Variants in IDH1 observed in about 807,000 individuals in gnomAD.
The protein encoded by IDH1 is isocitrate dehydrogenase (NADP(+)) 1.
Under a neutral mutation model 46.1 loss-of-function variants are expected in IDH1, and 33 were observed. The ratio of observed to expected loss-of-function variants is 0.72; its 90% CI spans 0.54 to 0.96. The LOEUF (loss-of-function observed/expected upper bound fraction) is 0.96, where lower values mean the gene tolerates loss of function less well. Ranked by LOEUF, IDH1 falls within the 40% of genes least tolerant of loss-of-function variation. IDH1 has a pLI of 0.00. For missense variants in IDH1, 421 were observed against 515.7 expected, an observed-to-expected ratio of 0.82 and a Z score of 1.78; for synonymous variants, 144 against 172.8, an observed-to-expected ratio of 0.83 and a Z score of 1.31.
chr2:208,238,123 C>A (rs1687850257), intron 9 of IDH1, among the ~76,000 whole-genome samples: 1 of 150,884 alleles, frequency 6.6e-6, no homozygotes, highest in Non-Finnish European at 1.5e-5. Flanking sequence ...GCAAGCTCCG[C>A]CTCCCAGGTT....
At chr2:208,246,258 G>C (rs1690029005) in intron 4 of IDH1, among the ~76,000 whole-genome samples, 1 of 152,180 alleles carries the variant, frequency 6.6e-6, no homozygotes, top group Non-Finnish European at 1.5e-5. Context: ...ACATCCATAA[G>C]TCTTTGCTGC....
At chr2:208,245,017 T>C (rs1482960330) in intron 5 of IDH1, among the ~76,000 whole-genome samples, 1 of 152,240 alleles carries the variant, frequency 6.6e-6, no homozygotes, top group East Asian at 1.9e-4. Context: ...ATGTATATAA[T>C]TCATGCACAG....
At position 208,245,546 on chromosome 2, in the gene IDH1, CTTTTTTTTT is replaced by C. The variant is rs34363027; in HGVS notation, c.415-131_415-123del. ...ACAAATAGGGCAGTATGTCAAACTT[CTTTTTTTTT>C]TTTTTTTTTTAGGAGATGGGGATGA... On this transcript the variant is annotated intron_variant, in intron 4 of 9. Transcript: ENST00000345146. The C allele has an allele frequency of 8.1e-3, 2,722 of 337,368 alleles. 66 individuals carry two copies. Among genetic ancestry groups the C allele is most frequent in the African/African-American group, 0.06 (2,469 of 41,206 alleles). 20.9% of individuals were successfully genotyped at this position (337,368 alleles called of 1,614,324 possible).
intron 9 of IDH1, 128 bp downstream of exon 9, chr2:208,238,943 A>C: frequency 1.2e-6 from 1 of 858,124 alleles, no homozygotes; most frequent in South Asian, 1.4e-5. Context: ...GACAATTTAC[A>C]GATATCTGCT....
Position 208,237,058 on chromosome 2 carries a change from CT to C in IDH1, c.*20del. ...ACCTAGTTACCAAAAGACAATTATC[CT>C]TCTTAGCTCAGGTATGAACTTAAAG... is the stretch of plus-strand genomic sequence containing the variant. On this transcript the variant is annotated 3_prime_UTR_variant, in exon 10 of 10. Transcript: ENST00000345146. The C allele has an allele frequency of 7.3e-7, 1 of 1,376,848 alleles. No homozygotes were observed. The allele number at this position is 1,376,848 out of a possible 1,614,324, so 85.3% of individuals were successfully genotyped here. A position where few individuals can be genotyped will look rare whatever the true frequency, so the allele number is the denominator to read the frequency against.
At position 208,239,969 on chromosome 2, in the gene IDH1, C is replaced by A; in HGVS notation, c.885G>T (p.Leu295=). ...YGSLGMMTSV[L]VCPDGKTVEA... ...CTACTGTCTTGCCATCTGGACAAAC[C>A]AGCACGCTGGTCATCATGCCGAGAG... The change falls in exon 8 of 10, where the codon CTG becomes CTT. Residue 295 remains leucine (L), a synonymous_variant. Coordinates refer to ENST00000345146, the MANE Select transcript of IDH1 (RefSeq NM_005896.4). 1 of 1,614,206 alleles carries A rather than the reference C, an allele frequency of 6.2e-7. No individual in the cohort carries two copies. Among genetic ancestry groups the A allele is most frequent in the South Asian group, 1.1e-5 (1 of 91,080 alleles).
intron 4 of IDH1, among the ~76,000 whole-genome samples, chr2:208,246,242 T>C (rs1335311282): frequency 6.6e-6 from 1 of 152,220 alleles, no homozygotes; most frequent in East Asian, 1.9e-4. Context: ...GCCTGGCATA[T>C]ACTAGACATC....
At position 208,236,363 on chromosome 2, in the gene IDH1, G is replaced by C. The variant is rs1687811173; in HGVS notation, c.*716C>G. The C allele has an allele frequency of 4.4e-6, 1 of 229,168 alleles. No homozygotes were observed. Among genetic ancestry groups the C allele is most frequent in the South Asian group, 1.8e-4 (1 of 5,510 alleles). 14.2% of individuals were successfully genotyped at this position (229,168 alleles called of 1,614,324 possible). On this transcript the variant is annotated 3_prime_UTR_variant, in exon 10 of 10. Coordinates refer to ENST00000345146, the MANE Select transcript of IDH1 (RefSeq NM_005896.4). ...CCAGCAGAAGTCCAAAAAAGATTCA[G>C]CTTACATTATTGCACTTGGATGAAA...
rs776372851 is a variant in IDH1, at chr2:208,241,961, C to G, written c.850+33G>C. On this transcript the variant is annotated intron_variant, in intron 7 of 9. Transcript: ENST00000345146. ...AATTAGAGAACTACCCTGGAATGACCCTGTTCCTACAGGCCAGGCTCCACC... is the reference window on the plus strand; with the variant it reads ...AATTAGAGAACTACCCTGGAATGACGCTGTTCCTACAGGCCAGGCTCCACC... 26 of 1,609,224 alleles carry G rather than the reference C, an allele frequency of 1.6e-5. No individual in the cohort carries two copies. The South Asian group carries it at 2.9e-4, about 18-fold the overall frequency.
chr2:208,253,453 G>C (rs1186067783), intron 2 of IDH1, among the ~76,000 whole-genome samples: 1 of 152,180 alleles, frequency 6.6e-6, no homozygotes, highest in Admixed American at 6.5e-5. Flanking sequence ...TTGCCCCTCA[G>C]ATTTTGTCTC....
In IDH1 at chr2:208,249,252, C is replaced by T. The variant is rs146669751; in HGVS notation, c.123-592G>A. Among the ~76,000 whole-genome samples the T allele has an allele frequency of 7.8e-3, 1,180 of 150,884 alleles. 7 individuals are homozygous for T. Among genetic ancestry groups the T allele is most frequent in the African/African-American group, 0.026 (1,082 of 40,976 alleles). On this transcript the variant is annotated intron_variant, in intron 3 of 9. Transcript: ENST00000345146. ...TTGCCCAGGCTGGAGTGCAGTGGCA[C>T]GATCTTGGCTCACTCAACCTCTGCC... is the stretch of plus-strand genomic sequence containing the variant.
At chr2:208,246,868 G>A (rs180994140) in intron 4 of IDH1, among the ~76,000 whole-genome samples, 95 of 152,208 alleles carry the variant, frequency 6.2e-4, no homozygotes, top group African/African-American at 2.2e-3. Context: ...GCTTGAACCC[G>A]GGAGGCAGAG....
chr2:208,251,189 T>G, intron 3 of IDH1: 1 of 390,568 alleles, frequency 2.6e-6, no homozygotes, highest in East Asian at 4.2e-5. Context: ...AAAAGCTAAC[T>G]TCACCTCAAA....
intron 8 of IDH1, 57 bp downstream of exon 8, chr2:208,239,806 T>A: frequency 6.4e-7 from 1 of 1,570,546 alleles, no homozygotes. Context: ...AGGGAACACA[T>A]CTGGGCTGCT....
rs1389604385 is a variant in IDH1, at chr2:208,239,252, A to C, written c.992-19T>G. On this transcript the variant is annotated intron_variant, in intron 8 of 9. Transcript: ENST00000345146. ...ATGGAAGCTAAAAGAGGGGAAAAAA[A>C]ACACAACACTCCAATCATCCTAGTT... 10 of 1,613,290 alleles carry C rather than the reference A, an allele frequency of 6.2e-6. No homozygotes were observed. In the Admixed American group the frequency reaches 1.2e-4, roughly 19 times the overall value.
In IDH1 at chr2:208,240,779, G is replaced by T. The variant is rs538164572; in HGVS notation, c.851-776C>A. Among the ~76,000 whole-genome samples, 4 of 151,966 alleles carry T rather than the reference G, an allele frequency of 2.6e-5. No individual in the cohort carries two copies. In the South Asian group the frequency reaches 8.3e-4, roughly 32 times the overall value. ...ACCTGTGAAGTTAATAATCAACCAC[G>T]GAGTCATCACAAAGCAATAACACTC... On this transcript the variant is annotated intron_variant, in intron 7 of 9. Coordinates refer to ENST00000345146, the MANE Select transcript of IDH1 (RefSeq NM_005896.4).
chr2:208,251,687 C>A, intron 2 of IDH1, 120 bp from the exon 3 acceptor site: 1 of 750,788 alleles, frequency 1.3e-6, no homozygotes, highest in Non-Finnish European at 2.2e-6. Context: ...TCATGCAATT[C>A]AATTTATGTG....
intron 4 of IDH1, 123 bp from the exon 5 acceptor site, chr2:208,245,547 T>TTC (rs386392440): frequency 2.1e-5 from 6 of 289,658 alleles, no homozygotes; most frequent in Non-Finnish European, 3.4e-5. Flanking sequence ...GTCAAACTTC[T>TTC]TTTTTTTTTT....
At chr2:208,245,549 T>TC (rs961184825) in intron 4 of IDH1, 125 bp from the exon 5 acceptor site, 1 of 571,398 alleles carries the variant, frequency 1.8e-6, no homozygotes, top group African/African-American at 2.2e-5. Context: ...CAAACTTCTT[T>TC]TTTTTTTTTT....
Sources: allele counts gnomAD v4.1 joint callset (sites outside exome capture counted in the v4.1 genomes callset), GRCh38; gene constraint gnomAD v4.1.1; transcripts MANE v1.5; gene names NCBI Gene and HGNC (gene_info 2026-07-23, HGNC 2026-07-21).